SH3PXD2A: variants seen among roughly 807,000 people sequenced by gnomAD.
The protein encoded by SH3PXD2A is SH3 and PX domain-containing protein 2A.
In SH3PXD2A, 32 loss-of-function variants were observed where a neutral mutation model predicts 115.2. The observed-to-expected ratio is 0.28, with a 90% CI of 0.21 to 0.37. The LOEUF (loss-of-function observed/expected upper bound fraction) is 0.37. SH3PXD2A is among the 10% of genes least tolerant of loss of function. The pLI is 1.00. For missense variants in SH3PXD2A, 1,328 were observed against 1,498.7 expected (o/e 0.89, Z 1.88); for synonymous variants, 610 against 629.1 (o/e 0.97, Z 0.45).
chr10:103,726,084 A>G (rs2038238048), intron 4 of SH3PXD2A, among the ~76,000 whole-genome samples: 1 of 152,168 alleles, frequency 6.6e-6, no homozygotes, highest in Non-Finnish European at 1.5e-5. Context: ...AGGAGAGAAC[A>G]CTACCAAAGC....
At chr10:103,647,203 G>C (rs17115792) in intron 8 of SH3PXD2A, among the ~76,000 whole-genome samples, 7,985 of 152,222 alleles carry the variant, frequency 0.052, 661 homozygotes, top group African/African-American at 0.18. Context: ...GCAATATCAT[G>C]GCATCAGCTC....
chr10:103,703,871 G>T (rs185924684), intron 5 of SH3PXD2A, among the ~76,000 whole-genome samples: 1 of 152,304 alleles, frequency 6.6e-6, no homozygotes, highest in East Asian at 1.9e-4. Flanking sequence ...GCATGTGTGT[G>T]TATGTGTCTC....
At chr10:103,818,046 C>T (rs1217791301) in intron 1 of SH3PXD2A, among the ~76,000 whole-genome samples, 1 of 152,206 alleles carries the variant, frequency 6.6e-6, no homozygotes, top group Non-Finnish European at 1.5e-5. Flanking sequence ...TAATTGTACA[C>T]TTCAAATGGT....
At chr10:103,643,113 G>A (rs1455187600) in intron 8 of SH3PXD2A, among the ~76,000 whole-genome samples, 2 of 152,134 alleles carry the variant, frequency 1.3e-5, no homozygotes, top group African/African-American at 2.4e-5. Context: ...ATCCAGTACC[G>A]CCTGACGTTA....
At chr10:103,789,796 C>A (rs1271268912) in intron 2 of SH3PXD2A, among the ~76,000 whole-genome samples, 1 of 152,186 alleles carries the variant, frequency 6.6e-6, no homozygotes, top group African/African-American at 2.4e-5. Flanking sequence ...TGACGTGACA[C>A]CCAAACACAC....
chr10:103,802,896 G>A (rs1323371971), intron 1 of SH3PXD2A, among the ~76,000 whole-genome samples: 4 of 152,264 alleles, frequency 2.6e-5, no homozygotes, highest in Middle Eastern at 3.4e-3. Context: ...GGGCTGGGGG[G>A]ACTCTACCCT....
At chr10:103,673,947 A>C (rs1266630508) in intron 6 of SH3PXD2A, among the ~76,000 whole-genome samples, 1 of 151,950 alleles carries the variant, frequency 6.6e-6, no homozygotes, top group African/African-American at 2.4e-5. Context: ...TGGAATGAAC[A>C]CCTCCCTGTC....
intron 1 of SH3PXD2A, among the ~76,000 whole-genome samples, chr10:103,844,287 G>A (rs1187441062): frequency 6.6e-6 from 1 of 152,196 alleles, no homozygotes; most frequent in African/African-American, 2.4e-5. Flanking sequence ...AGCCCAGGAG[G>A]CAGAATTCAG....
intron 8 of SH3PXD2A, among the ~76,000 whole-genome samples, chr10:103,637,951 C>G (rs536673258): frequency 2.0e-5 from 3 of 152,216 alleles, no homozygotes; most frequent in Admixed American, 2.0e-4. Flanking sequence ...AGGCTGTCTG[C>G]GAGTGCTGTG....
chr10:103,602,686 C>G lies in SH3PXD2A; in HGVS notation c.2532G>C (p.Ser844=). 6.2e-7 allele frequency: 1 copy of G among 1,614,104 alleles called. No homozygotes were observed. The highest frequency in any genetic ancestry group is 8.5e-7 in the Non-Finnish European group (1 of 1,180,016). The change falls in exon 15 of 15, where the codon TCG becomes TCC. Residue 844 remains serine, a synonymous_variant. Transcript: ENST00000369774. The stretch of plus-strand genomic sequence containing the variant: ...TCTGGTAGGCGCTGCATGTCATGTA[C>G]GAGGTGGCTGGCCCTTCCCATTCCT... The part of the protein sequence containing the change: ...TKKEWEGPAT[S]YMTCSAYQKV...
At chr10:103,782,038 A>C (rs1019565815) in intron 2 of SH3PXD2A, among the ~76,000 whole-genome samples, 2 of 152,234 alleles carry the variant, frequency 1.3e-5, no homozygotes, top group African/African-American at 4.8e-5. Context: ...GTGCTGCAAC[A>C]GGGCTCCTCA....
intron 4 of SH3PXD2A, among the ~76,000 whole-genome samples, chr10:103,730,983 G>C (rs1006025697): frequency 6.6e-6 from 1 of 152,224 alleles, no homozygotes; most frequent in African/African-American, 2.4e-5. Context: ...CAGGCTCAGG[G>C]GCGGAGGCCT....
Position 103,855,244 on chromosome 10 carries a change from T to A in SH3PXD2A, c.23A>T (p.Asp8Val), listed in dbSNP as rs2134337226. The A allele has an allele frequency of 2.6e-6, 4 of 1,535,952 alleles. No individual in the cohort carries two copies. The East Asian group carries it at 1.0e-4, about 39-fold the overall frequency. MLAYCVQ[D>V]ATVVDVEKRR... ...CTTCTCCACGTCCACCACGGTGGCATCCTGCACGCAGTAGGCGAGCATCTT... is the reference window on the plus strand; with the variant it reads ...CTTCTCCACGTCCACCACGGTGGCAACCTGCACGCAGTAGGCGAGCATCTT... Residue 8 changes from aspartate (D) to valine (V), a missense_variant, in exon 1 of 15, where the codon GAT becomes GTT. Transcript: ENST00000369774.
At chr10:103,654,471 C>T (rs527771415) in intron 8 of SH3PXD2A, among the ~76,000 whole-genome samples, 1 of 152,326 alleles carries the variant, frequency 6.6e-6, no homozygotes, top group South Asian at 2.1e-4. Flanking sequence ...CAGGGTCGAT[C>T]TGTGGCAGAG....
At chr10:103,837,166 T>C (rs1041099408) in intron 1 of SH3PXD2A, among the ~76,000 whole-genome samples, 6 of 152,178 alleles carry the variant, frequency 3.9e-5, no homozygotes, top group African/African-American at 1.4e-4. Flanking sequence ...CTCTATTCTT[T>C]TACCTACTCA....
In SH3PXD2A at chr10:103,605,146, C is replaced by A. The variant is rs147162044; in HGVS notation, c.1428+652G>T. Reference sequence around the variant, plus strand: ...TGGAGGGGCGTCCCAGGATCTATCACCCTGTTTTGCAGAGAGAAATGCTTA... The same window carrying A: ...TGGAGGGGCGTCCCAGGATCTATCAACCTGTTTTGCAGAGAGAAATGCTTA... On this transcript the variant is annotated intron_variant, in intron 14 of 14. Transcript: ENST00000369774. Among the ~76,000 whole-genome samples, 30 of 152,306 alleles carry A rather than the reference C, an allele frequency of 2.0e-4. No individual in the cohort carries two copies. In the South Asian group the frequency reaches 2.3e-3, roughly 12 times the overall value.
At chr10:103,718,172 AT>A (rs1348640314) in intron 5 of SH3PXD2A, among the ~76,000 whole-genome samples, 1 of 150,896 alleles carries the variant, frequency 6.6e-6, no homozygotes, top group African/African-American at 2.4e-5. Flanking sequence ...TGCCTGGCTC[AT>A]TTTTTTTCTT....
chr10:103,597,239 AG>A lies in SH3PXD2A; in HGVS notation c.*4576del, dbSNP rs1344182386. ...GGCTTGTGGGAATTGGTGTCTCACCAGGGTGTGCGCGGCTCAAGGTTCTCAC... is the reference window on the plus strand; with the variant it reads ...GGCTTGTGGGAATTGGTGTCTCACCAGGTGTGCGCGGCTCAAGGTTCTCAC... On this transcript the variant is annotated 3_prime_UTR_variant, in exon 15 of 15. Coordinates refer to ENST00000369774, the MANE Select transcript of SH3PXD2A (RefSeq NM_001394015.1). 2.0e-5 allele frequency: 3 copies of A among 152,676 alleles called. No homozygotes were observed. Among genetic ancestry groups the A allele is most frequent in the Non-Finnish European group, 4.4e-5 (3 of 68,064 alleles). The allele number at this position is 152,676 out of a possible 1,614,324, so 9.5% of individuals were successfully genotyped here. A position where few individuals can be genotyped will look rare whatever the true frequency, so the allele number is the denominator to read the frequency against.
intron 1 of SH3PXD2A, among the ~76,000 whole-genome samples, chr10:103,827,027 C>T (rs1316172735): frequency 1.3e-5 from 2 of 152,158 alleles, no homozygotes; most frequent in African/African-American, 2.4e-5. Flanking sequence ...GAATCCAGTT[C>T]CTTCCACAGG....
Sources: gnomAD v4.1 joint callset for allele counts (sites outside exome capture counted in the v4.1 genomes callset) on GRCh38, gnomAD v4.1.1 for gene constraint, MANE v1.5 for transcripts, NCBI Gene and HGNC (gene_info 2026-07-23, HGNC 2026-07-21) for gene names.